SCAF1: variants seen among roughly 807,000 people sequenced by gnomAD.
The protein encoded by SCAF1 is splicing factor, arginine/serine-rich 19.
In SCAF1, 28 loss-of-function variants were observed where a neutral mutation model predicts 91.2. The observed-to-expected ratio is 0.31, with a 90% CI of 0.23 to 0.42. The LOEUF (loss-of-function observed/expected upper bound fraction) is 0.42, where lower values mean the gene tolerates loss of function less well. Ranked by LOEUF, SCAF1 falls within the 10% of genes least tolerant of loss-of-function variation. The probability of loss-of-function intolerance (pLI) is 1.00; values close to 1 mark genes in which losing one functional copy is unlikely to be tolerated. For missense variants in SCAF1, 1,893 were observed against 1,872.1 expected, an observed-to-expected ratio of 1.01 and a Z score of -0.21; for synonymous variants, 1,036 against 833.7, an observed-to-expected ratio of 1.24 and a Z score of -4.18.
intron 1 of SCAF1, among the ~76,000 whole-genome samples, chr19:49,643,722 C>T (rs2081039610): frequency 6.6e-6 from 1 of 152,144 alleles, no homozygotes; most frequent in Non-Finnish European, 1.5e-5. Context: ...CATGTGCTTC[C>T]CCGGGAGGTG....
chr19:49,651,605 G>T lies in SCAF1; in HGVS notation c.1216G>T (p.Ala406Ser). The change falls in exon 7 of 11, where the codon GCG becomes TCG. Residue 406 changes from alanine (A) to serine (S), a missense_variant. Around this residue, in one of 5 missense-constraint regions of SCAF1, gnomAD observed 1,436 missense variants for 1,306.8 expected, o/e 1.10. Transcript: ENST00000360565. The part of the protein sequence containing the change: ...IVQPEEEPRL[A>S]LSLFRPGGRA... Reference sequence around the variant, plus strand: ...CCAGCCGGAGGAGGAGCCCAGGCTGGCGCTGTCCCTCTTCCGCCCCGGCGG... The same window carrying T: ...CCAGCCGGAGGAGGAGCCCAGGCTGTCGCTGTCCCTCTTCCGCCCCGGCGG... 6.6e-7 allele frequency: 1 copy of T among 1,513,378 alleles called. No individual in the cohort carries two copies. The allele number at this position is 1,513,378 out of a possible 1,614,324, so 93.7% of individuals were successfully genotyped here. A position where few individuals can be genotyped will look rare whatever the true frequency, so the allele number is the denominator to read the frequency against.
At chr19:49,654,941 C>T (rs1188490151) in intron 9 of SCAF1, 71 bp downstream of exon 9, 15 of 1,237,928 alleles carry the variant, frequency 1.2e-5, no homozygotes, top group South Asian at 8.3e-5. Flanking sequence ...AACTGAGACG[C>T]GGGGGCCCAA....
In SCAF1 at chr19:49,651,941, AAGT is replaced by A; in HGVS notation, c.1553_1555del (p.Lys518_Ser519delinsThr). On this transcript the variant is annotated inframe_deletion, in exon 7 of 11. Coordinates refer to ENST00000360565, the MANE Select transcript of SCAF1 (RefSeq NM_021228.3). ...CGCTGCTGGTCCGCCCACGCGCAAG[AAGT>A]CCAGGCGGGAACGCAAGCGCAGCGG... is the stretch of plus-strand genomic sequence containing the variant. 1 of 1,187,694 alleles carries A rather than the reference AAGT, an allele frequency of 8.4e-7. No individual in the cohort carries two copies. The highest frequency in any genetic ancestry group is 1.1e-6 in the Non-Finnish European group (1 of 951,262). 73.6% of individuals were successfully genotyped at this position (1,187,694 alleles called of 1,614,324 possible).
Position 49,658,410 on chromosome 19 carries a change from C to A in SCAF1, c.*11C>A. 6.7e-7 allele frequency: 1 copy of A among 1,490,248 alleles called. No homozygotes were observed. The highest frequency in any genetic ancestry group is 9.0e-7 in the Non-Finnish European group (1 of 1,106,528). 92.3% of individuals were successfully genotyped at this position (1,490,248 alleles called of 1,614,324 possible). On this transcript the variant is annotated 3_prime_UTR_variant, in exon 11 of 11. Coordinates refer to ENST00000360565, the MANE Select transcript of SCAF1 (RefSeq NM_021228.3). ...CTGCCCCCTCTCTGAGAGCCCTGGC[C>A]AGCTCTTCGCCCCTCACCTCTTTGA...
At chr19:49,654,495 AGGAACCGCG>A in intron 8 of SCAF1, 64 bp downstream of exon 8, 1 of 1,517,298 alleles carries the variant, frequency 6.6e-7, no homozygotes, top group Non-Finnish European at 9.1e-7. Context: ...GGGTTAGGAG[AGGAACCGCG>A]GGCCTGGCAG....
At position 49,646,048 on chromosome 19, in the gene SCAF1, C is replaced by A; in HGVS notation, c.167-60C>A. ...CTAGATCAAGCTCCTCTTTCCTCTACCCCGCAAGTCTCTGCAGCAAGTCCC... is the reference window on the plus strand; with the variant it reads ...CTAGATCAAGCTCCTCTTTCCTCTAACCCGCAAGTCTCTGCAGCAAGTCCC... On this transcript the variant is annotated intron_variant, in intron 3 of 10. Transcript: ENST00000360565. This position sits in a 1 kb window ranked among gnomAD's most constrained non-coding sequence, Gnocchi z 5.6. 2.0e-6 allele frequency: 3 copies of A among 1,476,570 alleles called. No homozygotes were observed. The highest frequency in any genetic ancestry group is 2.3e-5 in the South Asian group (2 of 88,362). The allele number at this position is 1,476,570 out of a possible 1,614,324, so 91.5% of individuals were successfully genotyped here.
upstream of SCAF1, among the ~76,000 whole-genome samples, chr19:49,640,992 TC>T (rs1357865287): frequency 6.6e-6 from 1 of 152,024 alleles, no homozygotes; most frequent in Non-Finnish European, 1.5e-5. Flanking sequence ...GTAGACAGGT[TC>T]CTTCGTACTA....
rs2081088460 is a variant in SCAF1, at chr19:49,651,445, C to G, written c.1056C>G (p.Val352=). The change falls in exon 7 of 11, where the codon GTC becomes GTG. Residue 352 remains valine (V), a synonymous_variant. Coordinates refer to ENST00000360565, the MANE Select transcript of SCAF1 (RefSeq NM_021228.3). ...CTGATGGAGCCATGCGCCGGCGGGT[C>G]TTCGTGGTGGGGACCGAGGCAGAGG... ...TRADGAMRRR[V]FVVGTEAEAC... 1 of 1,593,994 alleles carries G rather than the reference C, an allele frequency of 6.3e-7. No homozygotes were observed. The highest frequency in any genetic ancestry group is 1.3e-5 in the African/African-American group (1 of 74,380).
In SCAF1 at chr19:49,651,255, G is replaced by A. The variant is rs537750547; in HGVS notation, c.866G>A (p.Gly289Asp). 5 of 1,612,164 alleles carry A rather than the reference G, an allele frequency of 3.1e-6. No individual in the cohort carries two copies. The highest frequency in any genetic ancestry group is 2.2e-5 in the East Asian group (1 of 44,840). ...EEEEDEEEEEGLSQSISRISE... is the reference protein window; with the variant it reads ...EEEEDEEEEEDLSQSISRISE... ...GAGGAAGACGAGGAGGAGGAGGAAG[G>A]CCTGTCCCAGAGCATCAGCCGCATC... The change falls in exon 7 of 11, where the codon GGC becomes GAC. Residue 289 changes from glycine (G) to aspartate (D), a missense_variant. Physicochemically the swap from Gly to Asp is moderately conservative, Grantham distance 94. This residue lies in a region of SCAF1 where 80 missense variants were observed against 116.6 expected (regional missense o/e 0.69). Coordinates refer to ENST00000360565, the MANE Select transcript of SCAF1 (RefSeq NM_021228.3).
Position 49,658,348 on chromosome 19 carries a change from G to T in SCAF1, c.3888G>T (p.Glu1296Asp), listed in dbSNP as rs748681706. The T allele has an allele frequency of 2.5e-5, 39 of 1,574,662 alleles. No individual in the cohort carries two copies. The East Asian group carries it at 8.3e-4, about 33-fold the overall frequency. ...DPPGPPRPPK[E>D]PGPPDKGGPG... The stretch of plus-strand genomic sequence containing the variant: ...CAGGGCCCCCACGGCCGCCCAAGGA[G>T]CCAGGGCCCCCAGACAAGGGTGGCC... The change falls in exon 11 of 11, where the codon GAG (glutamate) becomes GAT (aspartate). Residue 1296 changes from glutamate (E) to aspartate (D), a missense_variant. Physicochemically the swap from Glu to Asp is conservative, Grantham distance 45 (BLOSUM62 2). This residue lies in a region of SCAF1 where 51 missense variants were observed against 49.9 expected (regional missense o/e 1.02). Coordinates refer to ENST00000360565, the MANE Select transcript of SCAF1 (RefSeq NM_021228.3).
In SCAF1 at chr19:49,652,855, G is replaced by A. The variant is rs373598676; in HGVS notation, c.2466G>A (p.Ser822=). ...PVSSGSGSSS[S]SSSCSSRKVK... is the part of the protein sequence containing the mutation. ...GCAGCGGCTCAGGCTCTTCATCCTC[G>A]TCGTCCTCCTGTTCTTCCCGGAAGG... Residue 822 remains serine (S), a synonymous_variant, in exon 7 of 11, where the codon TCG becomes TCA. Transcript: ENST00000360565. 2.5e-6 allele frequency: 4 copies of A among 1,613,998 alleles called. No individual in the cohort carries two copies. The highest frequency in any genetic ancestry group is 1.3e-5 in the African/African-American group (1 of 75,022).
rs2081083325 is a variant in SCAF1, at chr19:49,651,027, C to T, written c.638C>T (p.Pro213Leu). The change falls in exon 7 of 11, where the codon CCG becomes CTG. Residue 213 changes from proline to leucine, a missense_variant. Transcript: ENST00000360565. ...SSSPSPPPPP[P>L]PPAPPAPPAP... ...TCCCCTTCCCCTCCCCCACCCCCAC[C>T]GCCCCCTGCACCCCCAGCCCCACCT... 4.1e-6 allele frequency: 3 copies of T among 726,536 alleles called. No individual in the cohort carries two copies. The highest frequency in any genetic ancestry group is 2.9e-5 in the Admixed American group (1 of 35,066). 45.0% of individuals were successfully genotyped at this position (726,536 alleles called of 1,614,324 possible).
At position 49,651,169 on chromosome 19, in the gene SCAF1, A is replaced by C; in HGVS notation, c.780A>C (p.Ser260=). ...AGCCCACCGGCTCCAACCCCAGCTC[A>C]TCAGCGGGGACCCCCTCACCTGAGG... The part of the protein sequence containing the change: ...PFEPTGSNPS[S]SAGTPSPEEE... Residue 260 remains serine, a synonymous_variant, in exon 7 of 11, where the codon TCA becomes TCC. Coordinates refer to ENST00000360565, the MANE Select transcript of SCAF1 (RefSeq NM_021228.3). 6.2e-7 allele frequency: 1 copy of C among 1,612,778 alleles called. No homozygotes were observed. Among genetic ancestry groups the C allele is most frequent in the East Asian group, 2.2e-5 (1 of 44,822 alleles).
In SCAF1 at chr19:49,654,703, G is replaced by A. The variant is rs1283325558; in HGVS notation, c.3451G>A (p.Val1151Met). Residue 1151 changes from valine to methionine, a missense_variant, in exon 9 of 11, where the codon GTG becomes ATG. Transcript: ENST00000360565. ...PSSLGMTPAPVPTSLGLPPGP... is the reference protein window; with the variant it reads ...PSSLGMTPAPMPTSLGLPPGP... ...AAGTCTGGGGATGACCCCAGCTCCT[G>A]TGCCCACCTCTTTGGGTCTGCCCCC... 20 of 1,614,072 alleles carry A rather than the reference G, an allele frequency of 1.2e-5. No individual in the cohort carries two copies. The highest frequency in any genetic ancestry group is 1.6e-5 in the Non-Finnish European group (19 of 1,179,988).
rs1357652115 is a variant in SCAF1, at chr19:49,651,112, G to A, written c.723G>A (p.Pro241=). The A allele has an allele frequency of 1.2e-6, 2 of 1,602,808 alleles. No individual in the cohort carries two copies. The highest frequency in any genetic ancestry group is 1.7e-6 in the Non-Finnish European group (2 of 1,175,496). ...FHPTDEAYSP[P]PAPEQKYDPF... ...CCACCGACGAGGCCTACTCTCCACC[G>A]CCTGCTCCGGAGCAAAAGTACGACC... The change falls in exon 7 of 11, where the codon CCG becomes CCA. Residue 241 remains proline (P), a synonymous_variant. Coordinates refer to ENST00000360565, the MANE Select transcript of SCAF1 (RefSeq NM_021228.3).
Position 49,645,780 on chromosome 19 carries a change from G to A in SCAF1, c.167-328G>A, listed in dbSNP as rs1183779315. On this transcript the variant is annotated intron_variant, in intron 3 of 10. Coordinates refer to ENST00000360565, the MANE Select transcript of SCAF1 (RefSeq NM_021228.3). The surrounding 1 kb of genome is among the most constrained non-coding windows in gnomAD (Gnocchi z 4.6). The stretch of plus-strand genomic sequence containing the variant: ...TACAGCACGGGTGCAGCGGCGAGGG[G>A]CTGCGCTGGGCTTCCTTGGGGCTGG... Among the ~76,000 whole-genome samples the A allele has an allele frequency of 6.6e-6, 1 of 152,168 alleles. No individual in the cohort carries two copies. Among genetic ancestry groups the A allele is most frequent in the East Asian group, 1.9e-4 (1 of 5,190 alleles).
chr19:49,650,803 C>G (rs1447118613), intron 6 of SCAF1, 65 bp from the exon 7 acceptor site: 2 of 1,361,120 alleles, frequency 1.5e-6, no homozygotes, highest in African/African-American at 2.9e-5. Flanking sequence ...ACGGCTGGGC[C>G]AGCAAGCAGG....
Position 49,652,067 on chromosome 19 carries a change from CG to C in SCAF1, c.1679del (p.Arg560ProfsTer178). 8.2e-7 allele frequency: 1 copy of C among 1,218,388 alleles called. No homozygotes were observed. Among genetic ancestry groups the C allele is most frequent in the Non-Finnish European group, 1.0e-6 (1 of 965,178 alleles). The allele number at this position is 1,218,388 out of a possible 1,614,324, so 75.5% of individuals were successfully genotyped here. A position where few individuals can be genotyped will look rare whatever the true frequency, so the allele number is the denominator to read the frequency against. On this transcript the variant is annotated frameshift_variant, in exon 7 of 11. Coordinates refer to ENST00000360565, the MANE Select transcript of SCAF1 (RefSeq NM_021228.3). LOFTEE classifies it high-confidence loss of function. ...WDSKKHRSRD[R>X]KPGSHASSSA... ...CTCCAAGAAGCACCGCTCGCGGGAC[CG>C]CAAGCCCGGCTCCCACGCCTCGTCG...
In SCAF1 at chr19:49,657,744, T is replaced by C. The variant is rs1350486496; in HGVS notation, c.3619-17T>C. Reference sequence around the variant, plus strand: ...TGGCCCTTGCTGTGTCTTCCCCCGCTGTCGCCACCCCACCAGTATCTGAAG... The same window carrying C: ...TGGCCCTTGCTGTGTCTTCCCCCGCCGTCGCCACCCCACCAGTATCTGAAG... On this transcript the variant is annotated splice_polypyrimidine_tract_variant and intron_variant, in intron 9 of 10. Coordinates refer to ENST00000360565, the MANE Select transcript of SCAF1 (RefSeq NM_021228.3). The C allele has an allele frequency of 1.9e-6, 3 of 1,590,516 alleles. No homozygotes were observed. In the Admixed American group the frequency reaches 5.3e-5, roughly 28 times the overall value.
Sources: gnomAD v4.1 joint callset for allele counts (sites outside exome capture counted in the v4.1 genomes callset) on GRCh38, gnomAD v4.1.1 for gene constraint, gnomAD v4.1.1 regional missense constraint, Gnocchi (gnomAD v3.1) non-coding constraint, MANE v1.5 for transcripts, NCBI Gene and HGNC (gene_info 2026-07-23, HGNC 2026-07-21) for gene names.